NOX3: variants seen among roughly 807,000 people sequenced by gnomAD.
The protein encoded by NOX3 is NADPH oxidase 3, also known as NADPH oxidase catalytic subunit-like 3.
A neutral mutation model predicts 76.7 loss-of-function variants in NOX3; 74 were observed. The observed-to-expected ratio is 0.96, with a 90% CI of 0.80 to 1.17. NOX3 has a LOEUF of 1.17. Ranked by LOEUF, NOX3 falls within the 50% of genes most tolerant of loss-of-function variation. The pLI is 0.00. For missense variants in NOX3, 695 were observed against 703.3 expected, an observed-to-expected ratio of 0.99 and a Z score of 0.13; for synonymous variants, 263 against 261.1, an observed-to-expected ratio of 1.01 and a Z score of -0.07.
intron 4 of NOX3, among the ~76,000 whole-genome samples, chr6:155,444,080 T>C (rs575562694): frequency 8.5e-5 from 13 of 152,336 alleles, no homozygotes; most frequent in South Asian, 2.1e-4. Flanking sequence ...AAATGATAGA[T>C]ACCAGGAGAG....
chr6:155,451,278 C>T (rs544737262), intron 4 of NOX3, among the ~76,000 whole-genome samples: 1 of 152,000 alleles, frequency 6.6e-6, no homozygotes, highest in Non-Finnish European at 1.5e-5. Flanking sequence ...CACGCCCGGC[C>T]TGTATTAGTA....
intron 12 of NOX3, 103 bp downstream of exon 12, chr6:155,407,027 C>T (rs1305045150): frequency 7.8e-7 from 1 of 1,283,274 alleles, no homozygotes; most frequent in East Asian, 2.3e-5. Flanking sequence ...TGTTTTGTCT[C>T]TAATGGAGAT....
At chr6:155,439,309 G>A (rs796083560) in intron 6 of NOX3, among the ~76,000 whole-genome samples, 8 of 152,320 alleles carry the variant, frequency 5.3e-5, no homozygotes, top group African/African-American at 1.9e-4. Context: ...GGATTGAAAA[G>A]CATTATATTT....
intron 12 of NOX3, among the ~76,000 whole-genome samples, chr6:155,398,416 A>C (rs1286264187): frequency 6.6e-6 from 1 of 152,220 alleles, no homozygotes; most frequent in East Asian, 1.9e-4. Context: ...AGTTCTTCTT[A>C]GCTCATATGT....
intron 11 of NOX3, among the ~76,000 whole-genome samples, chr6:155,410,325 G>C (rs1005563246): frequency 6.7e-6 from 1 of 150,092 alleles, no homozygotes; most frequent in Non-Finnish European, 1.5e-5. Context: ...GTGTGCGCAC[G>C]CATGTGTGTG....
intron 10 of NOX3, among the ~76,000 whole-genome samples, chr6:155,422,171 C>T (rs765800705): frequency 3.9e-5 from 6 of 151,996 alleles, no homozygotes; most frequent in Non-Finnish European, 5.9e-5. Context: ...CGACAAAGGA[C>T]GGAAAGAAAT....
chr6:155,454,523 T>C (rs1372241130), intron 3 of NOX3, among the ~76,000 whole-genome samples: 1 of 152,234 alleles, frequency 6.6e-6, no homozygotes, highest in African/African-American at 2.4e-5. Context: ...GAAACAATGA[T>C]GGTTCCAGCT....
chr6:155,423,012 G>T (rs1005118314), intron 9 of NOX3, among the ~76,000 whole-genome samples, 156 bp from the exon 10 acceptor site: 11 of 152,236 alleles, frequency 7.2e-5, no homozygotes, highest in African/African-American at 2.7e-4. Flanking sequence ...AGAGCCTGGG[G>T]TTAGCATGAG....
chr6:155,414,070 G>C (rs1318006880), intron 10 of NOX3, among the ~76,000 whole-genome samples: 1 of 152,094 alleles, frequency 6.6e-6, no homozygotes, highest in Non-Finnish European at 1.5e-5. Context: ...CCTCGTAATG[G>C]CTTTGTGTGT....
At chr6:155,408,508 C>T (rs1484527959) in intron 11 of NOX3, among the ~76,000 whole-genome samples, 7 of 152,154 alleles carry the variant, frequency 4.6e-5, no homozygotes, top group Non-Finnish European at 2.9e-5. Context: ...GTAAGCCTGA[C>T]TTTCCTGGCT....
chr6:155,439,782 G>A (rs781655413), intron 6 of NOX3, among the ~76,000 whole-genome samples, 174 bp downstream of exon 6: 86 of 152,116 alleles, frequency 5.7e-4, no homozygotes, highest in Admixed American at 3.1e-3. Flanking sequence ...CACCATCTAT[G>A]TAGCTTATTT....
At chr6:155,455,707 T>A in intron 1 of NOX3, 46 bp downstream of exon 1, 1 of 1,460,798 alleles carries the variant, frequency 6.8e-7, no homozygotes, top group Admixed American at 1.7e-5. Flanking sequence ...AATCAAAGAC[T>A]ATTCAATCTA....
intron 11 of NOX3, 34 bp from the exon 12 acceptor site, chr6:155,407,288 GAA>G: frequency 1.4e-6 from 2 of 1,440,112 alleles, no homozygotes; most frequent in Non-Finnish European, 1.9e-6. Flanking sequence ...ATGACATTTA[GAA>G]AAAAAAAATA....
rs187414844 is a variant in NOX3 at position 155,441,676 on chromosome 6, C to T, written c.487-1539G>A. Among the ~76,000 whole-genome samples the T allele has an allele frequency of 1.2e-4, 19 of 152,284 alleles. No individual in the cohort carries two copies. In the South Asian group the frequency reaches 2.1e-3, roughly 17 times the overall value. On this transcript the variant is annotated intron_variant, in intron 5 of 13. Transcript: ENST00000159060. ...TGCTTCTAAAATTTTGAAATTACTG[C>T]ATTGGTAGTAGCTTTATTATTTTTC...
chr6:155,443,027 G>C (rs1281870364), intron 5 of NOX3, among the ~76,000 whole-genome samples: 2 of 151,848 alleles, frequency 1.3e-5, no homozygotes, highest in Non-Finnish European at 1.5e-5. Flanking sequence ...TGCGTTTCTA[G>C]TGTGTGTGTG....
chr6:155,406,150 C>T (rs947200987), intron 12 of NOX3, among the ~76,000 whole-genome samples: 5 of 152,092 alleles, frequency 3.3e-5, no homozygotes, highest in East Asian at 1.9e-4. Flanking sequence ...TAGGACATGC[C>T]GACTTTTAAG....
At chr6:155,445,996 T>TATATAA (rs1554264831) in intron 4 of NOX3, among the ~76,000 whole-genome samples, 24,576 of 133,812 alleles carry the variant, frequency 0.18, 2,518 homozygotes, top group South Asian at 0.24. Flanking sequence ...TATATATATA[T>TATATAA]AATATATATA....
chr6:155,410,667 C>T (rs1157935875), intron 11 of NOX3, among the ~76,000 whole-genome samples: 2 of 152,176 alleles, frequency 1.3e-5, no homozygotes, highest in South Asian at 4.1e-4. Context: ...AGATCATCTT[C>T]ATCTTAGGTA....
At chr6:155,448,761 G>T (rs1777096894) in intron 4 of NOX3, among the ~76,000 whole-genome samples, 1 of 152,044 alleles carries the variant, frequency 6.6e-6, no homozygotes, top group Admixed American at 6.6e-5. Context: ...ATAATTGGGG[G>T]GAATCTTGGA....
Sources: allele counts gnomAD v4.1 joint callset (sites outside exome capture counted in the v4.1 genomes callset), GRCh38; gene constraint gnomAD v4.1.1; transcripts MANE v1.5; gene names NCBI Gene and HGNC (gene_info 2026-07-23, HGNC 2026-07-21).